Variants in CNTN5 observed in about 807,000 individuals in gnomAD.
The protein encoded by CNTN5 is contactin-5.
A neutral mutation model predicts 129.1 loss-of-function variants in CNTN5; 77 were observed. The observed-to-expected ratio is 0.60, with a 90% CI of 0.50 to 0.72. The LOEUF is 0.72. CNTN5 is among the 30% of genes least tolerant of loss of function. The pLI is 0.00. For synonymous variants in CNTN5, 509 were observed against 465.6 expected, an observed-to-expected ratio of 1.09 and a Z score of -1.20; for missense variants, 1,478 against 1,328.8, an observed-to-expected ratio of 1.11 and a Z score of -1.75.
intron 3 of CNTN5, among the ~76,000 whole-genome samples, chr11:99,811,178 C>G (rs1329496860): frequency 6.6e-6 from 1 of 151,900 alleles, no homozygotes. Flanking sequence ...AGAAAAGATT[C>G]AGATACAGAG....
chr11:99,683,783 A>G (rs1953664397), intron 3 of CNTN5, among the ~76,000 whole-genome samples: 1 of 151,770 alleles, frequency 6.6e-6, no homozygotes, highest in Non-Finnish European at 1.5e-5. Context: ...TATTTGTCTT[A>G]CTGTAGTCAG....
At chr11:99,575,423 T>C (rs1219897164) in intron 3 of CNTN5, among the ~76,000 whole-genome samples, 1 of 152,154 alleles carries the variant, frequency 6.6e-6, no homozygotes, top group Non-Finnish European at 1.5e-5. Context: ...TTGGAGTGTC[T>C]GCAGAGAGGA....
chr11:99,620,027 A>AAGAAAAAAAAAAAAAACCAAAAAG (rs1950887304), intron 3 of CNTN5, among the ~76,000 whole-genome samples: 1 of 129,046 alleles, frequency 7.7e-6, no homozygotes, highest in Non-Finnish European at 1.6e-5. Context: ...CTCCGTCTCA[A>AAGAAAAAAAAAAAAAACCAAAAAG]AAAAAAAAAA....
At chr11:99,857,561 T>C (rs955883368) in intron 6 of CNTN5, among the ~76,000 whole-genome samples, 4 of 152,162 alleles carry the variant, frequency 2.6e-5, no homozygotes, top group African/African-American at 9.7e-5. Flanking sequence ...TGAATATTAA[T>C]AACTATGTTG....
At chr11:99,609,083 G>T (rs563605557) in intron 3 of CNTN5, among the ~76,000 whole-genome samples, 1 of 152,170 alleles carries the variant, frequency 6.6e-6, no homozygotes, top group South Asian at 2.1e-4. Flanking sequence ...GAAATGACGT[G>T]GTTATGACAG....
chr11:100,196,936 A>T (rs1948654171), intron 15 of CNTN5, among the ~76,000 whole-genome samples: 1 of 152,012 alleles, frequency 6.6e-6, no homozygotes, highest in African/African-American at 2.4e-5. Flanking sequence ...TAAAAGGCAT[A>T]GCCCTTCACA....
intron 3 of CNTN5, among the ~76,000 whole-genome samples, chr11:99,762,839 CAG>C (rs2135287551): frequency 6.6e-6 from 1 of 152,262 alleles, no homozygotes; most frequent in Admixed American, 6.6e-5. Context: ...GGTAGGCAGA[CAG>C]AAAGTTTTAA....
chr11:99,836,359 T>C lies in CNTN5; in HGVS notation c.278-8493T>C, dbSNP rs558559498. On this transcript the variant is annotated intron_variant, in intron 4 of 24. Coordinates refer to ENST00000524871, the MANE Select transcript of CNTN5 (RefSeq NM_014361.4). ...ACCCTGTGTCGAAGTGTTCTCATTG[T>C]TCAATTCCTACCTATGAGTGAGAAC... Among the ~76,000 whole-genome samples the C allele has an allele frequency of 7.4e-5, 11 of 148,676 alleles. No individual in the cohort carries two copies. In the South Asian group the frequency reaches 2.4e-3, roughly 33 times the overall value.
chr11:99,238,374 A>G (rs1434843014), intron 1 of CNTN5, among the ~76,000 whole-genome samples: 2 of 152,160 alleles, frequency 1.3e-5, no homozygotes, highest in Admixed American at 6.5e-5. Context: ...CATAAAATGC[A>G]ATCTGAACCT....
At chr11:100,208,536 C>T (rs1040757854) in intron 15 of CNTN5, among the ~76,000 whole-genome samples, 2 of 152,152 alleles carry the variant, frequency 1.3e-5, no homozygotes, top group Admixed American at 6.6e-5. Context: ...CTCAAAGAAA[C>T]TTACATCACA....
chr11:99,081,519 T>G (rs1865796126), intron 1 of CNTN5, among the ~76,000 whole-genome samples: 1 of 152,184 alleles, frequency 6.6e-6, no homozygotes, highest in Non-Finnish European at 1.5e-5. Context: ...AATGCATTTC[T>G]CAGAAGTTTC....
chr11:99,210,276 A>G (rs2135666268), intron 1 of CNTN5, among the ~76,000 whole-genome samples: 1 of 152,250 alleles, frequency 6.6e-6, no homozygotes, highest in African/African-American at 2.4e-5. Context: ...CACTACCCTA[A>G]CCTTCCTTCT....
chr11:99,683,560 T>G (rs2134730705), intron 3 of CNTN5, among the ~76,000 whole-genome samples: 1 of 152,040 alleles, frequency 6.6e-6, no homozygotes, highest in South Asian at 2.1e-4. Flanking sequence ...ATCTTTTTAC[T>G]TGGTTGGCCA....
intron 7 of CNTN5, among the ~76,000 whole-genome samples, chr11:99,936,976 G>A (rs545004972): frequency 5.9e-5 from 9 of 152,178 alleles, no homozygotes; most frequent in South Asian, 2.1e-4. Context: ...CACATGAGAC[G>A]CACAGGGATG....
At chr11:99,469,364 A>T (rs974698811) in intron 2 of CNTN5, among the ~76,000 whole-genome samples, 4 of 152,116 alleles carry the variant, frequency 2.6e-5, no homozygotes, top group Admixed American at 2.6e-4. Flanking sequence ...TTTCAAAATT[A>T]TCTATTTCTT....
intron 1 of CNTN5, among the ~76,000 whole-genome samples, chr11:99,021,885 G>A (rs1249753995): frequency 2.0e-5 from 3 of 152,166 alleles, no homozygotes; most frequent in African/African-American, 7.2e-5. Flanking sequence ...ATGTTTTGTA[G>A]GGAGATATAC....
At chr11:99,402,757 G>T (rs924603537) in intron 2 of CNTN5, among the ~76,000 whole-genome samples, 5 of 152,004 alleles carry the variant, frequency 3.3e-5, no homozygotes, top group African/African-American at 2.4e-5. Context: ...AATTCTTGTG[G>T]GTCTGTTCGG....
chr11:100,347,093 A>G lies in CNTN5; in HGVS notation c.3031-3609A>G, dbSNP rs2139029242. 2.6e-5 allele frequency among the ~76,000 whole-genome samples: 4 copies of G among 152,248 alleles called. 1 individual carries two copies. Among genetic ancestry groups the G allele is most frequent in the Admixed American group, 2.6e-4 (4 of 15,280 alleles). On this transcript the variant is annotated intron_variant, in intron 23 of 24. Coordinates refer to ENST00000524871, the MANE Select transcript of CNTN5 (RefSeq NM_014361.4). ...TGGGCATTGTGGGAACTACAATTCA[A>G]GAAGAGATATGGGTGAGAACACAGC...
intron 6 of CNTN5, among the ~76,000 whole-genome samples, chr11:99,910,216 T>C (rs1443003406): frequency 6.6e-6 from 1 of 152,080 alleles, no homozygotes; most frequent in Non-Finnish European, 1.5e-5. Context: ...CCCTCCCATA[T>C]CTGTTTACAA....
Sources: gnomAD v4.1 joint callset for allele counts (sites outside exome capture counted in the v4.1 genomes callset) on GRCh38, gnomAD v4.1.1 for gene constraint, MANE v1.5 for transcripts, NCBI Gene and HGNC (gene_info 2026-07-23, HGNC 2026-07-21) for gene names.